The following RBFOX1 variants were observed in gnomAD, a reference collection of about 807,000 sequenced individuals.
RBFOX1 encodes the protein RNA binding protein fox-1 homolog 1.
Under a neutral mutation model 57.7 loss-of-function variants are expected in RBFOX1, and 8 were observed. The ratio of observed to expected loss-of-function variants is 0.14; its 90% CI spans 0.08 to 0.25. RBFOX1 has a LOEUF of 0.25. Ranked by LOEUF, RBFOX1 falls within the 10% of genes least tolerant of loss-of-function variation. The pLI, the probability that RBFOX1 is intolerant of heterozygous loss-of-function variation, is 1.00. For synonymous variants in RBFOX1, 326 were observed against 222.4 expected (o/e 1.47, Z -4.15); for missense variants, 611 against 548.5 (o/e 1.11, Z -1.14).
intron 3 of RBFOX1, among the ~76,000 whole-genome samples, chr16:6,994,075 C>A (rs565136360): frequency 1.3e-5 from 2 of 152,134 alleles, no homozygotes; most frequent in African/African-American, 4.8e-5. Flanking sequence ...CCTTAGTGCA[C>A]TTTAGCTGTT....
intron 4 of RBFOX1, among the ~76,000 whole-genome samples, chr16:7,339,590 C>G (rs546008881): frequency 2.0e-5 from 3 of 152,250 alleles, no homozygotes; most frequent in South Asian, 4.1e-4. Context: ...TGGGCATGCA[C>G]CACCACAACC....
intron 1 of RBFOX1, among the ~76,000 whole-genome samples, chr16:5,450,831 A>G (rs2068402999): frequency 6.6e-6 from 1 of 152,152 alleles, no homozygotes; most frequent in South Asian, 2.1e-4. Flanking sequence ...TGTGCACCAG[A>G]TGCACACAGG....
chr16:7,333,402 C>T (rs914794146), intron 4 of RBFOX1, among the ~76,000 whole-genome samples: 4 of 152,198 alleles, frequency 2.6e-5, no homozygotes, highest in Non-Finnish European at 4.4e-5. Flanking sequence ...TTCTGAGGGA[C>T]TCAGTCTCCC....
intron 1 of RBFOX1, among the ~76,000 whole-genome samples, chr16:5,316,938 G>A (rs2064256194): frequency 6.6e-6 from 1 of 152,168 alleles, no homozygotes; most frequent in Admixed American, 6.5e-5. Context: ...AAAAGGTAAA[G>A]GAAGGGTGAA....
At chr16:6,076,643 A>G (rs1567397195) in intron 1 of RBFOX1, among the ~76,000 whole-genome samples, 1 of 124,220 alleles carries the variant, frequency 8.1e-6, no homozygotes, top group African/African-American at 2.6e-5. Flanking sequence ...AATCTATAAA[A>G]TTTTTTGTTA....
At chr16:5,750,306 C>T (rs927727020) in intron 3 of RBFOX1, among the ~76,000 whole-genome samples, 3 of 152,220 alleles carry the variant, frequency 2.0e-5, no homozygotes, top group East Asian at 1.9e-4. Flanking sequence ...TTAGGCTACT[C>T]GGGGGTCAGG....
chr16:7,395,124 C>G (rs1194154279), intron 4 of RBFOX1, among the ~76,000 whole-genome samples: 2 of 151,334 alleles, frequency 1.3e-5, no homozygotes, highest in African/African-American at 4.9e-5. Context: ...CAATCTGTAG[C>G]TAAGAACTGC....
At chr16:6,193,391 A>AATAT (rs1567650996) in intron 1 of RBFOX1, among the ~76,000 whole-genome samples, 76 of 15,744 alleles carry the variant, frequency 4.8e-3, no homozygotes, top group African/African-American at 8.1e-3. Flanking sequence ...ATATATATAT[A>AATAT]CTATATATAT....
intron 2 of RBFOX1, among the ~76,000 whole-genome samples, chr16:6,504,449 T>C (rs897687072): frequency 6.6e-6 from 1 of 152,182 alleles, no homozygotes; most frequent in African/African-American, 2.4e-5. Context: ...ATGCACAGAG[T>C]ACCGGGGTAG....
chr16:7,474,591 C>T (rs1256131793), intron 4 of RBFOX1, among the ~76,000 whole-genome samples: 3 of 152,184 alleles, frequency 2.0e-5, no homozygotes, highest in Admixed American at 6.5e-5. Context: ...AGTGGCAGGA[C>T]CGCAATTACT....
intron 1 of RBFOX1, among the ~76,000 whole-genome samples, chr16:6,089,427 C>G (rs987384849): frequency 6.6e-6 from 1 of 152,024 alleles, no homozygotes; most frequent in Non-Finnish European, 1.5e-5. Context: ...TTAGGATGGT[C>G]GGCATATACA....
chr16:6,267,201 G>A (rs1230805708), intron 1 of RBFOX1, among the ~76,000 whole-genome samples: 1 of 152,096 alleles, frequency 6.6e-6, no homozygotes, highest in Non-Finnish European at 1.5e-5. Flanking sequence ...AAAATCTGGG[G>A]CAGTGATCAA....
At chr16:7,216,725 T>A (rs1248289450) in intron 4 of RBFOX1, among the ~76,000 whole-genome samples, 1 of 152,170 alleles carries the variant, frequency 6.6e-6, no homozygotes, top group East Asian at 1.9e-4. Flanking sequence ...ACATAGAATG[T>A]AATTAGCACT....
At chr16:7,249,852 C>G (rs1029101070) in intron 4 of RBFOX1, among the ~76,000 whole-genome samples, 7 of 152,258 alleles carry the variant, frequency 4.6e-5, no homozygotes, top group African/African-American at 1.4e-4. Context: ...AAAGGTTATA[C>G]AAATGTTTAA....
chr16:6,678,391 T>C (rs1395018155), intron 3 of RBFOX1, among the ~76,000 whole-genome samples: 1 of 152,108 alleles, frequency 6.6e-6, no homozygotes, highest in Non-Finnish European at 1.5e-5. Context: ...CCTAAAGTGC[T>C]GGGATTACAG....
At chr16:6,077,330 G>A (rs2343518) in intron 1 of RBFOX1, among the ~76,000 whole-genome samples, 111,630 of 151,750 alleles carry the variant, frequency 0.74, 41,326 homozygotes, top group African/African-American at 0.77. Flanking sequence ...TAAAAAACAA[G>A]TCATATCTTT....
At chr16:7,043,995 C>T (rs901562341) in intron 3 of RBFOX1, among the ~76,000 whole-genome samples, 1 of 152,172 alleles carries the variant, frequency 6.6e-6, no homozygotes, top group Non-Finnish European at 1.5e-5. Context: ...ACCTCCTATG[C>T]ACTGCAAGCA....
intron 3 of RBFOX1, among the ~76,000 whole-genome samples, chr16:6,866,118 C>T (rs2059868840): frequency 6.6e-6 from 1 of 152,090 alleles, no homozygotes; most frequent in African/African-American, 2.4e-5. Flanking sequence ...CTCTCCTTTT[C>T]TTTCCCCAGC....
intron 2 of RBFOX1, among the ~76,000 whole-genome samples, chr16:6,603,620 G>A (rs1259292183): frequency 2.0e-5 from 3 of 152,160 alleles, no homozygotes; most frequent in African/African-American, 7.2e-5. Context: ...GCCCCCCCGG[G>A]CAGCCGCTAT....
Sources: gnomAD v4.1 joint callset for allele counts (sites outside exome capture counted in the v4.1 genomes callset) on GRCh38, gnomAD v4.1.1 for gene constraint, MANE v1.5 for transcripts, NCBI Gene and HGNC (gene_info 2026-07-23, HGNC 2026-07-21) for gene names.